ATF7: variants seen among roughly 807,000 people sequenced by gnomAD.
The protein encoded by ATF7 is activating transcription factor 7.
ATF7 carries 10 observed loss-of-function variants against 50.4 expected under a neutral mutation model. The observed-to-expected ratio is 0.20, with a 90% CI of 0.12 to 0.34. The LOEUF is 0.34. Ranked by LOEUF, ATF7 falls within the 10% of genes least tolerant of loss-of-function variation. The pLI is 1.00. For synonymous variants in ATF7, 201 were observed against 226.4 expected (o/e 0.89, Z 1.01); for missense variants, 465 against 613.9 (o/e 0.76, Z 2.56).
At chr12:53,603,399 A>C (rs1230528560) in intron 1 of ATF7, among the ~76,000 whole-genome samples, 1 of 152,126 alleles carries the variant, frequency 6.6e-6, no homozygotes, top group East Asian at 1.9e-4. Flanking sequence ...AAAAACAAAA[A>C]CAAAAAAATT....
intron 9 of ATF7, among the ~76,000 whole-genome samples, chr12:53,530,272 T>C (rs1438142603): frequency 2.0e-5 from 3 of 152,122 alleles, no homozygotes; most frequent in Non-Finnish European, 4.4e-5. Flanking sequence ...GGCCATGAAA[T>C]GTTTGGACAT....
chr12:53,562,662 A>G (rs2086937), intron 2 of ATF7, among the ~76,000 whole-genome samples: 72,398 of 151,466 alleles, frequency 0.48, 17,439 homozygotes, highest in East Asian at 0.74. Context: ...TTTTTTGCCC[A>G]TGTGTGCAAT....
intron 2 of ATF7, chr12:53,575,724 CT>C: frequency 1.3e-5 from 2 of 156,282 alleles, no homozygotes; most frequent in Middle Eastern, 2.0e-3. Flanking sequence ...GAGGGCGGGG[CT>C]TTAGAAATAA....
intron 4 of ATF7, among the ~76,000 whole-genome samples, chr12:53,538,659 A>G (rs1445822629): frequency 6.6e-6 from 1 of 152,160 alleles, no homozygotes; most frequent in African/African-American, 2.4e-5. Context: ...TCAGTTTCAT[A>G]ACAAAGTGGA....
intron 2 of ATF7, among the ~76,000 whole-genome samples, chr12:53,571,893 C>G (rs1941786212): frequency 6.6e-6 from 1 of 152,016 alleles, no homozygotes; most frequent in South Asian, 2.1e-4. Context: ...ATGGCGAAAC[C>G]CGGTCTCTAC....
At chr12:53,568,394 A>G (rs1309367641) in intron 2 of ATF7, among the ~76,000 whole-genome samples, 1 of 152,046 alleles carries the variant, frequency 6.6e-6, no homozygotes, top group East Asian at 1.9e-4. Context: ...GAGATTACGC[A>G]CACACACTCT....
chr12:53,577,956 C>T lies in ATF7; in HGVS notation c.48+22997G>A, dbSNP rs1445292712. On this transcript the variant is annotated intron_variant, in intron 2 of 11. Transcript: ENST00000420353. The stretch of plus-strand genomic sequence containing the variant: ...GAAAGAGAAACATCTTGAAAGAAGG[C>T]AGAGGGAAAATCACCTTACCTACAG... Among the ~76,000 whole-genome samples, 7 of 151,974 alleles carry T rather than the reference C, an allele frequency of 4.6e-5. 1 individual carries two copies. The highest frequency in any genetic ancestry group is 4.6e-4 in the Admixed American group (7 of 15,248).
At chr12:53,529,181 C>A (rs1201445870) in intron 9 of ATF7, among the ~76,000 whole-genome samples, 1 of 152,074 alleles carries the variant, frequency 6.6e-6, no homozygotes, top group Non-Finnish European at 1.5e-5. Context: ...CATAGTGAGA[C>A]CCTGTCTCTA....
At chr12:53,615,323 G>A (rs1944076790) in intron 1 of ATF7, among the ~76,000 whole-genome samples, 1 of 152,082 alleles carries the variant, frequency 6.6e-6, no homozygotes, top group African/African-American at 2.4e-5. Context: ...GGCGAAGCTT[G>A]CAGTGAGCCG....
chr12:53,511,627 C>T (rs528787512), downstream of ATF7, among the ~76,000 whole-genome samples: 5 of 152,272 alleles, frequency 3.3e-5, no homozygotes, highest in South Asian at 6.2e-4. Context: ...CTATACTTTC[C>T]GTCTTTGTCT....
intron 2 of ATF7, among the ~76,000 whole-genome samples, chr12:53,587,236 G>A (rs185614894): frequency 6.6e-6 from 1 of 151,724 alleles, no homozygotes; most frequent in Admixed American, 6.6e-5. Flanking sequence ...GCTTGGTGGT[G>A]CACATCTGTA....
At chr12:53,570,651 C>T (rs575673872) in intron 2 of ATF7, among the ~76,000 whole-genome samples, 1 of 152,126 alleles carries the variant, frequency 6.6e-6, no homozygotes, top group Admixed American at 6.5e-5. Flanking sequence ...CATGTCTCTC[C>T]TAGCTTCTGG....
At chr12:53,578,728 G>A (rs1377715208) in intron 2 of ATF7, among the ~76,000 whole-genome samples, 1 of 150,060 alleles carries the variant, frequency 6.7e-6, no homozygotes, top group Non-Finnish European at 1.5e-5. Flanking sequence ...AGGCTGTAGT[G>A]AGCTACAACC....
downstream of ATF7, among the ~76,000 whole-genome samples, chr12:53,509,581 G>A (rs541406801): frequency 2.0e-5 from 3 of 146,596 alleles, no homozygotes; most frequent in South Asian, 2.2e-4. Flanking sequence ...TCGGCTCACC[G>A]CAACCCCTCT....
intron 1 of ATF7, among the ~76,000 whole-genome samples, chr12:53,622,017 C>T (rs1287949709): frequency 1.3e-5 from 2 of 151,994 alleles, no homozygotes; most frequent in African/African-American, 2.4e-5. Context: ...AGAAATCGTA[C>T]GGGCTGGGCT....
chr12:53,603,224 T>C (rs1426197277), intron 1 of ATF7, among the ~76,000 whole-genome samples: 2 of 152,040 alleles, frequency 1.3e-5, no homozygotes, highest in Non-Finnish European at 2.9e-5. Flanking sequence ...AGTATTGGCA[T>C]AGGAAGTGGT....
chr12:53,554,870 G>GAAAAAAAAAAAAAAAAAAAAAA (rs61675595), intron 2 of ATF7, among the ~76,000 whole-genome samples: 2 of 76,044 alleles, frequency 2.6e-5, no homozygotes, highest in Non-Finnish European at 4.9e-5. Context: ...CTCAAAAAAA[G>GAAAAAAAAAAAAAAAAAAAAAA]AAAAAAAAAA....
Position 53,517,048 on chromosome 12 carries a change from C to T in ATF7, c.*89G>A. 2.8e-6 allele frequency: 4 copies of T among 1,423,316 alleles called. No individual in the cohort carries two copies. In the South Asian group the frequency reaches 3.5e-5, roughly 13 times the overall value. 88.2% of individuals were successfully genotyped at this position (1,423,316 alleles called of 1,614,324 possible). Reference sequence around the variant, plus strand: ...ATTCCCCCCACCCATATTGCCATGTCCAAGGCAGATGGGAGGGGATAAGAT... The same window carrying T: ...ATTCCCCCCACCCATATTGCCATGTTCAAGGCAGATGGGAGGGGATAAGAT... On this transcript the variant is annotated 3_prime_UTR_variant, in exon 12 of 12. Coordinates refer to ENST00000420353, the MANE Select transcript of ATF7 (RefSeq NM_006856.3).
At chr12:53,565,912 T>C (rs1171506469) in intron 2 of ATF7, among the ~76,000 whole-genome samples, 1 of 152,008 alleles carries the variant, frequency 6.6e-6, no homozygotes, top group Non-Finnish European at 1.5e-5. Flanking sequence ...AGGAAAGAGG[T>C]TTTATGGACT....
Sources: allele counts gnomAD v4.1 joint callset (sites outside exome capture counted in the v4.1 genomes callset), GRCh38; gene constraint gnomAD v4.1.1; transcripts MANE v1.5; gene names NCBI Gene and HGNC (gene_info 2026-07-23, HGNC 2026-07-21).